Variants in NEK10 observed in about 807,000 individuals in gnomAD.
The protein encoded by NEK10 is serine/threonine-protein kinase Nek10.
Under a neutral mutation model 159.8 loss-of-function variants are expected in NEK10, and 122 were observed. The observed-to-expected ratio is 0.76, with a 90% CI of 0.66 to 0.89. The LOEUF is 0.89. Ranked by LOEUF, NEK10 falls within the 40% of genes least tolerant of loss-of-function variation. The pLI is 0.00. For synonymous variants in NEK10, 466 were observed against 457.1 expected, an observed-to-expected ratio of 1.02 and a Z score of -0.25; for missense variants, 1,342 against 1,323.1, an observed-to-expected ratio of 1.01 and a Z score of -0.22.
At chr3:27,201,768 A>C (rs571242713) in intron 24 of NEK10, among the ~76,000 whole-genome samples, 188 bp from the exon 25 acceptor site, 49 of 152,372 alleles carry the variant, frequency 3.2e-4, no homozygotes, top group African/African-American at 1.2e-3. Flanking sequence ...GAATTATATT[A>C]TCCAAGCTGA....
intron 6 of NEK10, among the ~76,000 whole-genome samples, chr3:27,320,656 A>G (rs1435702474): frequency 6.6e-6 from 1 of 152,250 alleles, no homozygotes; most frequent in Non-Finnish European, 1.5e-5. Context: ...TTACCTACCC[A>G]GAAAACTGTG....
chr3:27,218,280 T>C (rs1422109758), intron 23 of NEK10, among the ~76,000 whole-genome samples: 1 of 152,230 alleles, frequency 6.6e-6, no homozygotes, highest in Admixed American at 6.5e-5. Flanking sequence ...TGCAGTTGAC[T>C]GAAACTGTGG....
intron 30 of NEK10, among the ~76,000 whole-genome samples, chr3:27,153,888 C>T (rs1335930205): frequency 6.6e-6 from 1 of 152,054 alleles, no homozygotes; most frequent in African/African-American, 2.4e-5. Flanking sequence ...TAAGGTCACA[C>T]CTCAAGGAAC....
intron 33 of NEK10, among the ~76,000 whole-genome samples, chr3:27,118,342 C>T (rs1247335141): frequency 1.3e-5 from 2 of 152,206 alleles, no homozygotes; most frequent in East Asian, 1.9e-4. Flanking sequence ...AGCACCTTAA[C>T]ACACTCCGAT....
Position 27,316,799 on chromosome 3 carries a change from A to AT in NEK10, c.448-2462_448-2461insA, listed in dbSNP as rs397709557. ...CCAAAAAAAGAAAAAAGAAAAAAAA[A>AT]GAAAAGAGAGAGAGACAGAGAGAAA... On this transcript the variant is annotated intron_variant, in intron 6 of 35. Coordinates refer to ENST00000691995, the MANE Select transcript of NEK10 (RefSeq NM_001394966.1). Among the ~76,000 whole-genome samples the AT allele has an allele frequency of 2.0e-5, 3 of 151,378 alleles. No homozygotes were observed. In the East Asian group the frequency reaches 5.8e-4, roughly 29 times the overall value.
chr3:27,344,224 A>G (rs1369751405), intron 5 of NEK10, 48 bp downstream of exon 5: 1 of 851,890 alleles, frequency 1.2e-6, no homozygotes, highest in South Asian at 1.5e-5. Context: ...AAGATAGATG[A>G]CATATGCCAC....
chr3:27,289,138 A>AACAGC (rs1234615053), intron 19 of NEK10, among the ~76,000 whole-genome samples: 1 of 152,246 alleles, frequency 6.6e-6, no homozygotes, highest in Non-Finnish European at 1.5e-5. Context: ...ACTAGAAGGT[A>AACAGC]ACAGCACAAG....
In NEK10 at chr3:27,107,849, T is replaced by C. The variant is rs756911550; in HGVS notation, c.*3423A>G. ...GCCTTCAGACAGGAGCTAAAGTCATTTCTAAAGGAACCCAGCATATTGACT... is the reference window on the plus strand; with the variant it reads ...GCCTTCAGACAGGAGCTAAAGTCATCTCTAAAGGAACCCAGCATATTGACT... On this transcript the variant is annotated 3_prime_UTR_variant, in exon 36 of 36. Transcript: ENST00000691995. Among the ~76,000 whole-genome samples, 18 of 152,140 alleles carry C rather than the reference T, an allele frequency of 1.2e-4. No homozygotes were observed. The highest frequency in any genetic ancestry group is 1.2e-3 in the Admixed American group (18 of 15,268).
chr3:27,347,502 C>CAAAAA (rs35966643), intron 3 of NEK10, among the ~76,000 whole-genome samples: 4 of 63,440 alleles, frequency 6.3e-5, no homozygotes, highest in African/African-American at 2.1e-4. Context: ...AACTCCGTCT[C>CAAAAA]AAAAAAAAAA....
chr3:27,163,402 A>T (rs1946199822), intron 29 of NEK10, among the ~76,000 whole-genome samples: 1 of 151,612 alleles, frequency 6.6e-6, no homozygotes, highest in African/African-American at 2.4e-5. Context: ...CCCAGGCTGG[A>T]GTGCAGTGAC....
At chr3:27,187,222 G>A (rs1948699423) in intron 26 of NEK10, among the ~76,000 whole-genome samples, 1 of 152,122 alleles carries the variant, frequency 6.6e-6, no homozygotes, top group Non-Finnish European at 1.5e-5. Context: ...CAGAGCCCCT[G>A]CCCCTCTCTC....
chr3:27,182,009 A>T (rs1471128364), intron 26 of NEK10, among the ~76,000 whole-genome samples: 1 of 152,194 alleles, frequency 6.6e-6, no homozygotes, highest in Non-Finnish European at 1.5e-5. Context: ...ATCAAATTTG[A>T]CAAAGAACAA....
chr3:27,310,512 T>C (rs2044605441), intron 9 of NEK10: 1 of 152,698 alleles, frequency 6.5e-6, no homozygotes, highest in Non-Finnish European at 1.5e-5. Flanking sequence ...TTGCTATAAA[T>C]ATAGTCTGTT....
rs1435530643 is a variant in NEK10, at chr3:27,190,432, G to T, written c.2505+1597C>A. ...TAGCCCTTAATAGCTAACTGTTGAA[G>T]CTGGGATGGGTACAGGAAGTAATCT... On this transcript the variant is annotated intron_variant, in intron 26 of 35. Coordinates refer to ENST00000691995, the MANE Select transcript of NEK10 (RefSeq NM_001394966.1). Among the ~76,000 whole-genome samples, 12 of 152,302 alleles carry T rather than the reference G, an allele frequency of 7.9e-5. No individual in the cohort carries two copies. In the East Asian group the frequency reaches 2.1e-3, roughly 27 times the overall value.
intron 31 of NEK10, among the ~76,000 whole-genome samples, chr3:27,141,194 G>A (rs527337813): frequency 3.9e-5 from 6 of 152,164 alleles, no homozygotes; most frequent in Middle Eastern, 3.4e-3. Flanking sequence ...TCCCAACTCC[G>A]TCTCCACTTG....
intron 6 of NEK10, 135 bp downstream of exon 6, chr3:27,322,042 C>G: frequency 3.5e-6 from 2 of 568,488 alleles, no homozygotes; most frequent in Non-Finnish European, 6.3e-6. Flanking sequence ...ATGAGACATT[C>G]CCCATATATG....
intron 30 of NEK10, among the ~76,000 whole-genome samples, chr3:27,155,725 T>G (rs1353441371): frequency 6.6e-6 from 1 of 151,638 alleles, no homozygotes; most frequent in Non-Finnish European, 1.5e-5. Flanking sequence ...CCAAAAACAG[T>G]CTACAAATTC....
At chr3:27,199,117 T>A (rs954562233) in intron 25 of NEK10, among the ~76,000 whole-genome samples, 22 of 150,290 alleles carry the variant, frequency 1.5e-4, no homozygotes, top group African/African-American at 5.3e-4. Flanking sequence ...CAAGTGGGAT[T>A]TAATTAAACT....
chr3:27,163,004 A>C (rs1324362875), intron 29 of NEK10, among the ~76,000 whole-genome samples: 1 of 152,124 alleles, frequency 6.6e-6, no homozygotes, highest in East Asian at 1.9e-4. Context: ...GATCCTGAAT[A>C]ATTTTCTAGT....
Sources: allele counts gnomAD v4.1 joint callset (sites outside exome capture counted in the v4.1 genomes callset), GRCh38; gene constraint gnomAD v4.1.1; transcripts MANE v1.5; gene names NCBI Gene and HGNC (gene_info 2026-07-23, HGNC 2026-07-21).